NOL10: variants seen among roughly 807,000 people sequenced by gnomAD.
NOL10 encodes the protein nucleolar protein 10.
Under a neutral mutation model 103.5 loss-of-function variants are expected in NOL10, and 58 were observed. The observed-to-expected ratio is 0.56, with a 90% CI of 0.45 to 0.70. The LOEUF (loss-of-function observed/expected upper bound fraction) is 0.70, where lower values mean the gene tolerates loss of function less well. NOL10 is among the 30% of genes least tolerant of loss of function. The probability of loss-of-function intolerance (pLI) is 0.00; values close to 1 mark genes in which losing one functional copy is unlikely to be tolerated. For missense variants in NOL10, 763 were observed against 807.3 expected (o/e 0.95, Z 0.67); for synonymous variants, 287 against 282.5 (o/e 1.02, Z -0.16).
In NOL10 at chr2:10,572,053, G is replaced by A; in HGVS notation, c.*18C>T. On this transcript the variant is annotated 3_prime_UTR_variant, in exon 21 of 21. Coordinates refer to ENST00000381685, the MANE Select transcript of NOL10 (RefSeq NM_024894.4). ...GAGACGTACCCCTCCCTAATCACAG[G>A]TAGGACCACTTCCCAAATCAATGAA... 3.1e-6 allele frequency: 5 copies of A among 1,612,938 alleles called. No homozygotes were observed. The highest frequency in any genetic ancestry group is 4.2e-6 in the Non-Finnish European group (5 of 1,179,834).
At chr2:10,599,881 G>A (rs1675885696) in intron 17 of NOL10, among the ~76,000 whole-genome samples, 1 of 151,990 alleles carries the variant, frequency 6.6e-6, no homozygotes. Flanking sequence ...CAAGAGCTAG[G>A]AACAAGACCC....
At chr2:10,606,456 C>T (rs1676264152) in intron 14 of NOL10, among the ~76,000 whole-genome samples, 1 of 151,922 alleles carries the variant, frequency 6.6e-6, no homozygotes, top group South Asian at 2.1e-4. Context: ...GAAACCCCGT[C>T]TTACCATGCT....
chr2:10,638,792 CTTTTTTTTTTTT>C (rs575658225), intron 13 of NOL10, among the ~76,000 whole-genome samples: 68 of 52,858 alleles, frequency 1.3e-3, no homozygotes, highest in African/African-American at 5.9e-3. Context: ...CGTGCCTGGC[CTTTTTTTTTTTT>C]TTTTTTTTTT....
Position 10,602,886 on chromosome 2 carries a change from G to GA in NOL10, c.1234-13dup, listed in dbSNP as rs750447636. 5.8e-6 allele frequency: 9 copies of GA among 1,556,940 alleles called. No homozygotes were observed. Among genetic ancestry groups the GA allele is most frequent in the Non-Finnish European group, 7.0e-6 (8 of 1,142,546 alleles). ...ACCATCAGTTTCACCTTTTCAAAAT[G>GA]AAAAAAGTTTTTAAAATAAAAGAAT... On this transcript the variant is annotated splice_polypyrimidine_tract_variant and intron_variant, in intron 15 of 20. Transcript: ENST00000381685.
chr2:10,628,658 T>G (rs554470828), intron 13 of NOL10, among the ~76,000 whole-genome samples: 2 of 152,190 alleles, frequency 1.3e-5, no homozygotes, highest in South Asian at 4.1e-4. Context: ...CCATCTGGTG[T>G]TAGAATAGGA....
chr2:10,600,423 C>T (rs964067162), intron 17 of NOL10, among the ~76,000 whole-genome samples: 1 of 152,172 alleles, frequency 6.6e-6, no homozygotes, highest in Admixed American at 6.5e-5. Flanking sequence ...ATAATCTAAA[C>T]GTTTAACAAT....
At chr2:10,683,114 C>G (rs959460049) in intron 2 of NOL10, among the ~76,000 whole-genome samples, 2 of 152,060 alleles carry the variant, frequency 1.3e-5, no homozygotes, top group African/African-American at 4.8e-5. Flanking sequence ...GAAACTGCTA[C>G]GAAGCTGACT....
chr2:10,684,068 C>T (rs1681973258), intron 2 of NOL10, among the ~76,000 whole-genome samples: 1 of 151,954 alleles, frequency 6.6e-6, no homozygotes, highest in African/African-American at 2.4e-5. Context: ...CACCTGAGGT[C>T]GCAAGTTCGA....
At chr2:10,573,830 C>T (rs541956184) in intron 20 of NOL10, among the ~76,000 whole-genome samples, 4 of 152,126 alleles carry the variant, frequency 2.6e-5, no homozygotes, top group African/African-American at 7.2e-5. Flanking sequence ...CACTGTGCTC[C>T]GTCTCAAAGG....
At chr2:10,688,504 G>T (rs541780636) in intron 1 of NOL10, among the ~76,000 whole-genome samples, 1 of 152,112 alleles carries the variant, frequency 6.6e-6, no homozygotes, top group Non-Finnish European at 1.5e-5. Flanking sequence ...ATCTTCACAC[G>T]ACTGGCTCCT....
intron 14 of NOL10, among the ~76,000 whole-genome samples, chr2:10,603,775 T>C (rs1210460586): frequency 5.3e-5 from 8 of 152,220 alleles, no homozygotes; most frequent in African/African-American, 2.4e-5. Context: ...CCAGTTTTAA[T>C]AGGTTACACT....
intron 6 of NOL10, among the ~76,000 whole-genome samples, 172 bp downstream of exon 6, chr2:10,671,382 T>A (rs555214175): frequency 2.0e-5 from 3 of 151,808 alleles, no homozygotes; most frequent in Admixed American, 2.0e-4. Flanking sequence ...GAAAATAGAA[T>A]TTTTTGCCTA....
At chr2:10,601,060 CTTATT>C (rs1164995739) in intron 16 of NOL10, 118 bp from the exon 17 acceptor site, 9 of 618,222 alleles carry the variant, frequency 1.5e-5, no homozygotes, top group South Asian at 2.1e-5. Flanking sequence ...ATAACTAATT[CTTATT>C]TTATTATTTT....
intron 4 of NOL10, among the ~76,000 whole-genome samples, chr2:10,674,566 G>A (rs955135782): frequency 2.0e-5 from 3 of 152,116 alleles, no homozygotes; most frequent in African/African-American, 7.2e-5. Flanking sequence ...TCAGCTGGGC[G>A]CAGTGGCTCA....
At chr2:10,671,409 CTTTTTTTTTTTTT>C (rs5829273) in intron 6 of NOL10, 132 bp downstream of exon 6, 1 of 431,656 alleles carries the variant, frequency 2.3e-6, no homozygotes, top group Non-Finnish European at 3.6e-6. Context: ...GTTTTCTTTT[CTTTTTTTTTTTTT>C]TTTTACAAGA....
intron 13 of NOL10, among the ~76,000 whole-genome samples, chr2:10,632,360 C>T (rs558598761): frequency 6.6e-6 from 1 of 152,220 alleles, no homozygotes; most frequent in Non-Finnish European, 1.5e-5. Flanking sequence ...CTCAACTTTG[C>T]CATTATAGTC....
chr2:10,684,878 A>G (rs1376657043), intron 1 of NOL10, among the ~76,000 whole-genome samples: 6 of 152,294 alleles, frequency 3.9e-5, no homozygotes, highest in African/African-American at 1.4e-4. Flanking sequence ...TGCCCAGTCT[A>G]TAGTACAATG....
chr2:10,587,160 C>CAT (rs368009505), intron 19 of NOL10, among the ~76,000 whole-genome samples: 4,525 of 22,596 alleles, frequency 0.2, 1,182 homozygotes, highest in Admixed American at 0.27. Flanking sequence ...CATATATACA[C>CAT]ATATATACAC....
chr2:10,669,227 C>A (rs979854017), intron 6 of NOL10, among the ~76,000 whole-genome samples: 1 of 151,338 alleles, frequency 6.6e-6, no homozygotes, highest in Non-Finnish European at 1.5e-5. Context: ...CAGGGTTTCA[C>A]CATGTTGGCC....
Sources: allele counts gnomAD v4.1 joint callset (sites outside exome capture counted in the v4.1 genomes callset), GRCh38; gene constraint gnomAD v4.1.1; transcripts MANE v1.5; gene names NCBI Gene and HGNC (gene_info 2026-07-23, HGNC 2026-07-21).